The following FAT1 variants were observed in gnomAD, a reference collection of about 807,000 sequenced individuals.
FAT1 encodes protocadherin Fat 1.
FAT1 carries 171 observed loss-of-function variants against 329.8 expected under a neutral mutation model. That is an observed-to-expected ratio of 0.52 (90% CI 0.46 to 0.59). The LOEUF is 0.59. FAT1 is among the 20% of genes least tolerant of loss of function. FAT1 has a pLI of 0.00. For missense variants in FAT1, 5,672 were observed against 5,774.4 expected (o/e 0.98, Z 0.57); for synonymous variants, 2,233 against 2,228.6 (o/e 1.00, Z -0.06).
intron 3 of FAT1, among the ~76,000 whole-genome samples, chr4:186,662,034 A>G (rs532728318): frequency 9.2e-6 from 1 of 108,426 alleles, no homozygotes; most frequent in South Asian, 3.1e-4. Context: ...CAGCCCCCCA[A>G]ACACACACTT....
chr4:186,699,518 T>G (rs1051901953), intron 2 of FAT1, among the ~76,000 whole-genome samples: 1 of 152,222 alleles, frequency 6.6e-6, no homozygotes, highest in Non-Finnish European at 1.5e-5. Context: ...CTAGACTTAC[T>G]GTCACTGCTG....
intron 17 of FAT1, among the ~76,000 whole-genome samples, chr4:186,604,953 T>C (rs533589850): frequency 6.6e-6 from 1 of 151,812 alleles, no homozygotes; most frequent in Non-Finnish European, 1.5e-5. Context: ...GCGCGGTGGC[T>C]CACGCCTGTC....
intron 1 of FAT1, 61 bp downstream of exon 1, chr4:186,723,603 G>C (rs1296039631): frequency 6.6e-6 from 1 of 152,166 alleles, no homozygotes; most frequent in Non-Finnish European, 1.5e-5. Flanking sequence ...CACAGAGTCC[G>C]CACCGCAGCG....
At position 186,604,592 on chromosome 4, in the gene FAT1, C is replaced by G. The variant is rs560947934; in HGVS notation, c.10351-18G>C. 12 of 1,561,200 alleles carry G rather than the reference C, an allele frequency of 7.7e-6. No individual in the cohort carries two copies. Among genetic ancestry groups the G allele is most frequent in the African/African-American group, 6.8e-5 (5 of 73,334 alleles). On this transcript the variant is annotated intron_variant, in intron 17 of 26. Transcript: ENST00000441802. ...TTATTTTCCTGCACAAGATTAGAAA[C>G]AAAATTAAACAAAAATCCTGGAACA...
chr4:186,640,210 T>TTAATAAAGAAATTTAATTTCC (rs1370629144), intron 3 of FAT1, among the ~76,000 whole-genome samples: 13 of 152,236 alleles, frequency 8.5e-5, no homozygotes, highest in African/African-American at 3.1e-4. Flanking sequence ...AAGAAATTTC[T>TTAATAAAGAAATTTAATTTCC]TACTAAAGAA....
At position 186,588,650 on chromosome 4, in the gene FAT1, C is replaced by T. The variant is rs770939534; in HGVS notation, c.13709G>A (p.Gly4570Asp). 6 of 1,613,718 alleles carry T rather than the reference C, an allele frequency of 3.7e-6. No homozygotes were observed. The African/African-American group carries it at 8.0e-5, about 22-fold the overall frequency. The change falls in exon 27 of 27, where the codon GGC becomes GAC. Residue 4570 changes from glycine to aspartate, a missense_variant. By Grantham distance (94) the Gly-to-Asp change is moderately conservative (BLOSUM62 -1). Coordinates refer to ENST00000441802, the MANE Select transcript of FAT1 (RefSeq NM_005245.4). ...CGGGATCGTCACCTCTTCGAAGTGG[C>T]CGTCGTCCCCGCTCTCATAGTCACT... is the stretch of plus-strand genomic sequence containing the variant. ...MMSDYESGDD[G>D]HFEEVTIPPL...
At chr4:186,711,891 G>A (rs1744976977) in intron 1 of FAT1, among the ~76,000 whole-genome samples, 1 of 152,190 alleles carries the variant, frequency 6.6e-6, no homozygotes, top group African/African-American at 2.4e-5. Context: ...CTGCACTCCA[G>A]CCTGGGCAAC....
Position 186,633,769 on chromosome 4 carries a change from A to G in FAT1, c.4238T>C (p.Val1413Ala), listed in dbSNP as rs780371853. ...CTGTTCTGCATCAAGAGGTTTGGCAACAATGATGGTTCCAGTTCCCTTGTC... is the reference window on the plus strand; with the variant it reads ...CTGTTCTGCATCAAGAGGTTTGGCAGCAATGATGGTTCCAGTTCCCTTGTC... Reference protein sequence around the residue: ...DVDKGTGTIIVAKPLDAEQKS... With the variant: ...DVDKGTGTIIAAKPLDAEQKS... The change falls in exon 7 of 27, where the codon GTT becomes GCT. Residue 1413 changes from valine (V) to alanine (A), a missense_variant. Val to Ala is a moderately conservative substitution (Grantham distance 64). Around this residue, in one of 2 missense-constraint regions of FAT1, gnomAD observed 3,966 missense variants for 3,915.2 expected, o/e 1.01. Transcript: ENST00000441802. 1.2e-6 allele frequency: 2 copies of G among 1,614,040 alleles called. No individual in the cohort carries two copies. The highest frequency in any genetic ancestry group is 3.3e-5 in the Admixed American group (2 of 60,024).
intron 2 of FAT1, among the ~76,000 whole-genome samples, chr4:186,694,952 A>T (rs1743957465): frequency 6.6e-6 from 1 of 152,184 alleles, no homozygotes; most frequent in Non-Finnish European, 1.5e-5. Context: ...ACAGAGCGAG[A>T]CTCCATCTCA....
Position 186,615,449 on chromosome 4 carries a change from C to T in FAT1, c.9076-1105G>A, listed in dbSNP as rs191808227. 1.6e-3 allele frequency among the ~76,000 whole-genome samples: 246 copies of T among 152,244 alleles called. 1 individual carries two copies. Among genetic ancestry groups the T allele is most frequent in the Non-Finnish European group, 3.1e-3 (213 of 68,018 alleles). On this transcript the variant is annotated intron_variant, in intron 11 of 26. Coordinates refer to ENST00000441802, the MANE Select transcript of FAT1 (RefSeq NM_005245.4). ...CTCCATCCTCTTCACAATCACATTC[C>T]TCTCTACCCAGCCTTCTCCTGGCCC...
intron 2 of FAT1, among the ~76,000 whole-genome samples, chr4:186,687,575 A>T (rs1227265123): frequency 1.3e-5 from 2 of 152,218 alleles, no homozygotes; most frequent in Admixed American, 6.5e-5. Context: ...AATGCTGCAA[A>T]ATCTGAAACT....
At chr4:186,663,095 C>G (rs1421872678) in intron 3 of FAT1, among the ~76,000 whole-genome samples, 2 of 152,194 alleles carry the variant, frequency 1.3e-5, no homozygotes, top group East Asian at 3.9e-4. Context: ...CTCGGCCTCC[C>G]AAAGTGCTGG....
chr4:186,687,539 T>C (rs1743529637), intron 2 of FAT1, among the ~76,000 whole-genome samples: 1 of 152,162 alleles, frequency 6.6e-6, no homozygotes, highest in Admixed American at 6.5e-5. Flanking sequence ...ACAAACAGGA[T>C]GAGTGTCCCA....
At chr4:186,592,391 C>A (rs1444699398) in intron 26 of FAT1, among the ~76,000 whole-genome samples, 1 of 152,004 alleles carries the variant, frequency 6.6e-6, no homozygotes, top group Non-Finnish European at 1.5e-5. Context: ...ATTTTTGTTT[C>A]AAAAAAATTT....
rs1194518319 is a variant in FAT1, at chr4:186,618,783, G to A, written c.7803C>T (p.Tyr2601=). 40 of 1,613,864 alleles carry A rather than the reference G, an allele frequency of 2.5e-5. No individual in the cohort carries two copies. Among genetic ancestry groups the A allele is most frequent in the East Asian group, 4.5e-5 (2 of 44,894 alleles). The change falls in exon 10 of 27, where the codon TAC becomes TAT. Residue 2601 remains tyrosine, a synonymous_variant. Transcript: ENST00000441802. ...CAGCACTGGACCCGATATTCACTTC[G>A]TATTTGGTTGCTCGAAATTGTGGTG... ...DNAPQFRATK[Y]EVNIGSSAAK...
intron 1 of FAT1, among the ~76,000 whole-genome samples, chr4:186,717,503 G>A (rs992375100): frequency 6.6e-6 from 1 of 152,192 alleles, no homozygotes; most frequent in Non-Finnish European, 1.5e-5. Flanking sequence ...ATTTAACCCT[G>A]AGAATGGTCT....
chr4:186,671,803 C>CGT (rs140381404), intron 2 of FAT1, among the ~76,000 whole-genome samples: 18 of 151,644 alleles, frequency 1.2e-4, no homozygotes, highest in Non-Finnish European at 2.4e-4. Context: ...TACAGTAGAT[C>CGT]GTGTGTGTGT....
At chr4:186,592,865 A>T (rs1738312447) in intron 26 of FAT1, 1 of 425,120 alleles carries the variant, frequency 2.4e-6, no homozygotes, top group East Asian at 7.1e-5. Context: ...CCAACCGATG[A>T]GTGCTTTAAT....
chr4:186,709,388 G>C lies in FAT1; in HGVS notation c.440C>G (p.Pro147Arg), dbSNP rs1744834589. 6.2e-7 allele frequency: 1 copy of C among 1,613,860 alleles called. No homozygotes were observed. The highest frequency in any genetic ancestry group is 8.5e-7 in the Non-Finnish European group (1 of 1,179,888). ...GCTGTATGAGGTGGGTGAGAATAAC[G>C]GTCTCAAGTCATTTGTATCCAGCAC... is the stretch of plus-strand genomic sequence containing the variant. The part of the protein sequence containing the change: ...VQVLDTNDLR[P>R]LFSPTSYSVS... Residue 147 changes from proline to arginine, a missense_variant, in exon 2 of 27, where the codon CCG becomes CGG. Transcript: ENST00000441802.
Sources: gnomAD v4.1 joint callset for allele counts (sites outside exome capture counted in the v4.1 genomes callset) on GRCh38, gnomAD v4.1.1 for gene constraint, gnomAD v4.1.1 regional missense constraint, MANE v1.5 for transcripts, NCBI Gene and HGNC (gene_info 2026-07-23, HGNC 2026-07-21) for gene names.